The following PRKG1 variants were observed in gnomAD, a reference collection of about 807,000 sequenced individuals.
PRKG1 encodes the protein protein kinase cGMP-dependent 1.
A neutral mutation model predicts 88.1 loss-of-function variants in PRKG1; 35 were observed. The ratio of observed to expected loss-of-function variants is 0.40; its 90% CI spans 0.30 to 0.53. PRKG1 has a LOEUF of 0.53. PRKG1 is among the 20% of genes least tolerant of loss of function. The pLI is 0.59. For missense variants in PRKG1, 540 were observed against 839.8 expected (o/e 0.64, Z 4.41); for synonymous variants, 303 against 292.5 (o/e 1.04, Z -0.37).
chr10:51,711,137 G>A (rs1430582051), intron 3 of PRKG1, among the ~76,000 whole-genome samples: 6 of 152,062 alleles, frequency 3.9e-5, no homozygotes, highest in South Asian at 4.2e-4. Flanking sequence ...ATGGAGTCTC[G>A]CTCTGTCACC....
intron 4 of PRKG1, among the ~76,000 whole-genome samples, chr10:51,887,249 T>C (rs1457588834): frequency 6.6e-6 from 1 of 152,196 alleles, no homozygotes; most frequent in Non-Finnish European, 1.5e-5. Flanking sequence ...CCTCCCAAAG[T>C]GCTGAAATTA....
rs148973113 is a variant in PRKG1, at chr10:51,344,592, T to A, written c.479-123131T>A. 1.9e-3 allele frequency among the ~76,000 whole-genome samples: 291 copies of A among 152,310 alleles called. 1 individual carries two copies. Among genetic ancestry groups the A allele is most frequent in the South Asian group, 7.5e-3 (36 of 4,820 alleles). ...GGGTCAAAAGCATGTACATGGTATT[T>A]GACAAGATGACTGTAGAGATGATGT... On this transcript the variant is annotated intron_variant, in intron 2 of 17. Transcript: ENST00000373980.
intron 2 of PRKG1, among the ~76,000 whole-genome samples, chr10:51,288,087 C>T (rs2132216772): frequency 6.7e-6 from 1 of 150,080 alleles, no homozygotes; most frequent in Admixed American, 6.6e-5. Context: ...GTTCCAATTA[C>T]ACTGCTAGAG....
chr10:51,670,508 G>T (rs939250554), intron 3 of PRKG1, among the ~76,000 whole-genome samples: 8 of 150,386 alleles, frequency 5.3e-5, no homozygotes, highest in African/African-American at 1.9e-4. Flanking sequence ...AGGCCGAGGC[G>T]GGCAGATCAC....
At chr10:51,767,332 A>ACT (rs879420701) in intron 3 of PRKG1, among the ~76,000 whole-genome samples, 30 of 149,184 alleles carry the variant, frequency 2.0e-4, no homozygotes, top group South Asian at 8.6e-4. Context: ...TGTAGAATTT[A>ACT]CTCTCTCTCT....
chr10:51,822,110 T>C (rs1012253763), intron 4 of PRKG1, among the ~76,000 whole-genome samples: 35 of 151,982 alleles, frequency 2.3e-4, no homozygotes, highest in African/African-American at 7.5e-4. Context: ...CATATATATA[T>C]ACACACATAT....
intron 3 of PRKG1, among the ~76,000 whole-genome samples, chr10:51,749,135 A>G (rs1231100874): frequency 1.3e-5 from 2 of 152,230 alleles, no homozygotes; most frequent in Non-Finnish European, 2.9e-5. Context: ...ACATACATAC[A>G]CTACATTGTT....
chr10:51,888,698 G>A (rs1296263651), intron 4 of PRKG1, among the ~76,000 whole-genome samples: 3 of 152,198 alleles, frequency 2.0e-5, no homozygotes, highest in African/African-American at 7.2e-5. Context: ...AGCTCTAGCT[G>A]TGGGTTTGTG....
intron 3 of PRKG1, among the ~76,000 whole-genome samples, chr10:51,801,551 A>G (rs999862575): frequency 1.4e-4 from 21 of 152,152 alleles, no homozygotes; most frequent in African/African-American, 5.1e-4. Context: ...ATTGGTATAA[A>G]ATAAATATGA....
chr10:52,061,189 T>G (rs2133266529), intron 6 of PRKG1, among the ~76,000 whole-genome samples: 1 of 152,096 alleles, frequency 6.6e-6, no homozygotes, highest in Admixed American at 6.5e-5. Flanking sequence ...TGTTAAAAAC[T>G]GAATTTCCAT....
At chr10:51,127,223 G>T (rs1241172221) in intron 1 of PRKG1, among the ~76,000 whole-genome samples, 1 of 152,032 alleles carries the variant, frequency 6.6e-6, no homozygotes, top group Non-Finnish European at 1.5e-5. Flanking sequence ...TCCAACAAAG[G>T]TCTAGTATCT....
rs139511215 is a variant in PRKG1, at chr10:51,051,075, A to T, written c.266+59431A>T. Among the ~76,000 whole-genome samples the T allele has an allele frequency of 1.8e-3, 266 of 151,950 alleles. 2 individuals carry two copies. The highest frequency in any genetic ancestry group is 2.9e-3 in the Admixed American group (44 of 15,260). ...TTGGATATGAACACCTCATCAGATAAATGGTTTGCAAGCATTTTCTCCTGT... is the reference window on the plus strand; with the variant it reads ...TTGGATATGAACACCTCATCAGATATATGGTTTGCAAGCATTTTCTCCTGT... On this transcript the variant is annotated intron_variant, in intron 1 of 17. Transcript: ENST00000401604.
chr10:51,966,516 A>G (rs1843570898), intron 5 of PRKG1, among the ~76,000 whole-genome samples: 1 of 152,024 alleles, frequency 6.6e-6, no homozygotes, highest in Non-Finnish European at 1.5e-5. Context: ...TTTTACGTCA[A>G]TGCCATTTCT....
intron 1 of PRKG1, among the ~76,000 whole-genome samples, chr10:51,056,225 T>C (rs1843624427): frequency 6.6e-6 from 1 of 152,200 alleles, no homozygotes; most frequent in African/African-American, 2.4e-5. Flanking sequence ...CTCCAAGTAG[T>C]ACTAGATATG....
intron 11 of PRKG1, 42 bp downstream of exon 11, chr10:52,271,531 T>C (rs772872963): frequency 9.4e-6 from 15 of 1,591,938 alleles, no homozygotes; most frequent in Non-Finnish European, 2.6e-6. Flanking sequence ...CAACTCCAAG[T>C]GACAAATCCA....
At chr10:51,772,051 G>A (rs1265842046) in intron 3 of PRKG1, among the ~76,000 whole-genome samples, 1 of 151,700 alleles carries the variant, frequency 6.6e-6, no homozygotes, top group Non-Finnish European at 1.5e-5. Flanking sequence ...TTCAAATATT[G>A]ATTCGACTTT....
chr10:51,936,982 GAGA>G (rs1842812234), intron 5 of PRKG1, among the ~76,000 whole-genome samples: 1 of 151,974 alleles, frequency 6.6e-6, no homozygotes, highest in South Asian at 2.1e-4. Context: ...AGAGATTTAT[GAGA>G]AGATTTTCAT....
chr10:51,043,325 T>TA (rs1843448262), intron 1 of PRKG1, among the ~76,000 whole-genome samples: 1 of 152,146 alleles, frequency 6.6e-6, no homozygotes, highest in Non-Finnish European at 1.5e-5. Flanking sequence ...ACCTGTTTCA[T>TA]AAGGTAATTA....
Position 51,616,502 on chromosome 10 carries a change from A to T in PRKG1, c.592+148666A>T, listed in dbSNP as rs147729333. Among the ~76,000 whole-genome samples the T allele has an allele frequency of 2.3e-3, 357 of 152,224 alleles. 1 individual carries two copies. Among genetic ancestry groups the T allele is most frequent in the African/African-American group, 8.1e-3 (337 of 41,536 alleles). The stretch of plus-strand genomic sequence containing the variant: ...ACAGTCCCCCAGGTGGCACATGCAG[A>T]TAGGTGGTGGTAGCAGCAGGGTGGG... On this transcript the variant is annotated intron_variant, in intron 3 of 17. Transcript: ENST00000373980.
Sources: gnomAD v4.1 joint callset for allele counts (sites outside exome capture counted in the v4.1 genomes callset) on GRCh38, gnomAD v4.1.1 for gene constraint, MANE v1.5 for transcripts, NCBI Gene and HGNC (gene_info 2026-07-23, HGNC 2026-07-21) for gene names.